The following KLF12 variants were observed in gnomAD, a reference collection of about 807,000 sequenced individuals.
KLF12 encodes KLF transcription factor 12.
In KLF12, 9 loss-of-function variants were observed where a neutral mutation model predicts 37.8. The ratio of observed to expected loss-of-function variants is 0.24; its 90% CI spans 0.14 to 0.42. KLF12 has a LOEUF of 0.42. Ranked by LOEUF, KLF12 falls within the 10% of genes least tolerant of loss-of-function variation. The probability of loss-of-function intolerance (pLI) is 1.00; values close to 1 mark genes in which losing one functional copy is unlikely to be tolerated. For synonymous variants in KLF12, 208 were observed against 202.1 expected (o/e 1.03, Z -0.25); for missense variants, 411 against 516.0 (o/e 0.80, Z 1.97).
chr13:74,221,642 G>GT, the KLF12 span, among the ~76,000 whole-genome samples: 1 of 152,062 alleles, frequency 6.6e-6, no homozygotes, highest in African/African-American at 2.4e-5. Flanking sequence ...CTCTTGCTCT[G>GT]TAACACTGAC....
At chr13:73,969,413 C>T (rs1425534296) in intron 2 of KLF12, among the ~76,000 whole-genome samples, 1 of 152,252 alleles carries the variant, frequency 6.6e-6, no homozygotes, top group Non-Finnish European at 1.5e-5. Flanking sequence ...TTATTCTCTA[C>T]TGCCTTCAAC....
chr13:73,810,370 G>T (rs1839852192), intron 5 of KLF12, among the ~76,000 whole-genome samples: 1 of 152,070 alleles, frequency 6.6e-6, no homozygotes, highest in Non-Finnish European at 1.5e-5. Flanking sequence ...CACAAAAATA[G>T]TTATGTTTAA....
In KLF12 at chr13:74,072,364, AATATATATATATATATATATAT is replaced by A. The variant is rs773653636; in HGVS notation, c.-32+61353_-32+61374del. Among the ~76,000 whole-genome samples the A allele has an allele frequency of 4.1e-3, 261 of 63,072 alleles. 10 individuals carry two copies. The South Asian group carries it at 0.055, about 13-fold the overall frequency. 41.4% of individuals were successfully genotyped at this position (63,072 alleles called of 152,430 possible). On this transcript the variant is annotated intron_variant, in intron 1 of 7. Transcript: ENST00000377669. ...ATCTTTTTAAGAATTAAGAAATACA[AATATATATATATATATATATAT>A]ATATATATATATATATATATAAAAG... is the stretch of plus-strand genomic sequence containing the variant.
the KLF12 span, among the ~76,000 whole-genome samples, chr13:74,151,677 A>C: frequency 2.0e-5 from 3 of 152,088 alleles, no homozygotes; most frequent in Non-Finnish European, 2.9e-5. Flanking sequence ...TAAATAAATA[A>C]GAAGATTCTC....
At chr13:74,054,458 C>T (rs1044562683) in intron 1 of KLF12, among the ~76,000 whole-genome samples, 13 of 152,172 alleles carry the variant, frequency 8.5e-5, no homozygotes, top group African/African-American at 3.1e-4. Context: ...AGGACCAAGC[C>T]CGAGACCTGA....
chr13:74,294,101 G>A, the KLF12 span, among the ~76,000 whole-genome samples: 1 of 152,232 alleles, frequency 6.6e-6, no homozygotes, highest in African/African-American at 2.4e-5. Context: ...TAGGGCATGA[G>A]ATTTGGCATT....
At chr13:73,950,245 T>A (rs183318713) in intron 2 of KLF12, among the ~76,000 whole-genome samples, 20 of 152,322 alleles carry the variant, frequency 1.3e-4, no homozygotes, top group Admixed American at 8.5e-4. Flanking sequence ...GAAAAGCAGA[T>A]GTTCTTATTC....
chr13:73,773,676 T>C (rs1280507581), intron 5 of KLF12, among the ~76,000 whole-genome samples: 2 of 152,180 alleles, frequency 1.3e-5, no homozygotes, highest in African/African-American at 2.4e-5. Context: ...TAGTGATATT[T>C]TTCAGCTCCA....
Position 73,862,751 on chromosome 13 carries a change from T to C in KLF12, c.124-16378A>G, listed in dbSNP as rs79701475. Reference sequence around the variant, plus strand: ...AACTGTACGTTATTCAATTATTTATTACTGAATAAATAAGAAAAAGAAAAG... The same window carrying C: ...AACTGTACGTTATTCAATTATTTATCACTGAATAAATAAGAAAAAGAAAAG... On this transcript the variant is annotated intron_variant, in intron 3 of 7. Coordinates refer to ENST00000377669, the MANE Select transcript of KLF12 (RefSeq NM_007249.5). 8.5e-3 allele frequency among the ~76,000 whole-genome samples: 1,300 copies of C among 152,272 alleles called. 20 individuals are homozygous for C. Among genetic ancestry groups the C allele is most frequent in the East Asian group, 0.045 (235 of 5,186 alleles).
At chr13:73,987,412 T>A (rs9543507) in intron 2 of KLF12, among the ~76,000 whole-genome samples, 50,617 of 151,838 alleles carry the variant, frequency 0.33, 10,335 homozygotes, top group East Asian at 0.63. Flanking sequence ...AGTAAAAAAA[T>A]TTTAACTAAA....
chr13:74,281,283 A>G, the KLF12 span, among the ~76,000 whole-genome samples: 1 of 152,084 alleles, frequency 6.6e-6, no homozygotes, highest in Admixed American at 6.6e-5. Flanking sequence ...CCCTGCTGGG[A>G]TGATGAAGTA....
intron 5 of KLF12, chr13:73,801,246 T>G (rs1882265307): frequency 6.6e-6 from 1 of 151,992 alleles, no homozygotes; most frequent in Non-Finnish European, 1.5e-5. Flanking sequence ...TGATATAAAG[T>G]AAGGGAAAAT....
chr13:74,214,046 TGAGTC>T, the KLF12 span, among the ~76,000 whole-genome samples: 2 of 152,238 alleles, frequency 1.3e-5, no homozygotes, highest in Non-Finnish European at 2.9e-5. Context: ...TGCTCAGAGC[TGAGTC>T]AAGTAGCATA....
At chr13:73,856,884 G>T (rs1241008826) in intron 3 of KLF12, among the ~76,000 whole-genome samples, 1 of 152,028 alleles carries the variant, frequency 6.6e-6, no homozygotes, top group East Asian at 1.9e-4. Context: ...CTACTCCAGA[G>T]GCTAAGGCAT....
At chr13:74,125,668 A>AT (rs1212442743) in intron 1 of KLF12, among the ~76,000 whole-genome samples, 22 of 152,156 alleles carry the variant, frequency 1.4e-4, no homozygotes, top group African/African-American at 5.3e-4. Flanking sequence ...TTCTAAAATA[A>AT]TTTTTTGGAT....
At chr13:73,912,792 C>G (rs1219202669) in intron 3 of KLF12, among the ~76,000 whole-genome samples, 1 of 152,160 alleles carries the variant, frequency 6.6e-6, no homozygotes, top group Non-Finnish European at 1.5e-5. Flanking sequence ...TTTGTTAACT[C>G]TTTAAGCAAC....
At chr13:74,035,162 C>T (rs937011064) in intron 1 of KLF12, among the ~76,000 whole-genome samples, 2 of 152,140 alleles carry the variant, frequency 1.3e-5, no homozygotes, top group African/African-American at 4.8e-5. Flanking sequence ...GATGCTTGAG[C>T]CCATTATGTA....
intron 3 of KLF12, among the ~76,000 whole-genome samples, chr13:73,936,574 T>A (rs1490772830): frequency 1.3e-5 from 2 of 152,072 alleles, no homozygotes; most frequent in East Asian, 3.9e-4. Context: ...TGCAATTCCC[T>A]CCTCTACAGT....
At chr13:73,967,315 G>A (rs1252975843) in intron 2 of KLF12, among the ~76,000 whole-genome samples, 1 of 152,212 alleles carries the variant, frequency 6.6e-6, no homozygotes, top group Non-Finnish European at 1.5e-5. Flanking sequence ...ATGCCAAGGT[G>A]AAGGAGCCTG....
Sources: allele counts gnomAD v4.1 joint callset (sites outside exome capture counted in the v4.1 genomes callset), GRCh38; gene constraint gnomAD v4.1.1; transcripts MANE v1.5; gene names NCBI Gene and HGNC (gene_info 2026-07-23, HGNC 2026-07-21).